Variants in PCDHGA4 observed in about 807,000 individuals in gnomAD.
PCDHGA4 encodes the protein protocadherin gamma subfamily A, 4.
In PCDHGA4, 38 loss-of-function variants were observed where a neutral mutation model predicts 54.6. That is an observed-to-expected ratio of 0.70 (90% CI 0.54 to 0.91). The LOEUF is 0.91. Ranked by LOEUF, PCDHGA4 falls within the 40% of genes least tolerant of loss-of-function variation. The pLI, the probability that PCDHGA4 is intolerant of heterozygous loss-of-function variation, is 0.00. For synonymous variants in PCDHGA4, 511 were observed against 512.9 expected (o/e 1.00, Z 0.05); for missense variants, 1,298 against 1,220.9 (o/e 1.06, Z -0.94).
chr5:141,469,419 A>G (rs1047562022), intron 1 of PCDHGA4, among the ~76,000 whole-genome samples: 2 of 152,066 alleles, frequency 1.3e-5, no homozygotes, highest in South Asian at 2.1e-4. Flanking sequence ...TACTAAAAAT[A>G]TAAAACTTAG....
Position 141,491,636 on chromosome 5 carries a change from C to T in PCDHGA4, c.2515-3171C>T. ...AGACCCCTCAGCGTTCAGCAGCCCA[C>T]AGCTCTGGCGCTGGAGCCTGACGCC... On this transcript the variant is annotated intron_variant, in intron 1 of 3. Coordinates refer to ENST00000571252, the MANE Select transcript of PCDHGA4 (RefSeq NM_018917.4). This position sits in a 1 kb window ranked among gnomAD's most constrained non-coding sequence, Gnocchi z 6.9. 6.2e-7 allele frequency: 1 copy of T among 1,613,922 alleles called. No homozygotes were observed. Among genetic ancestry groups the T allele is most frequent in the Non-Finnish European group, 8.5e-7 (1 of 1,180,020 alleles).
chr5:141,355,244 A>G lies in PCDHGA4; in HGVS notation c.137A>G (p.Gln46Arg), dbSNP rs200737190. 1.0e-4 allele frequency: 169 copies of G among 1,613,114 alleles called. No homozygotes were observed. The African/African-American group carries it at 2.1e-3, about 20-fold the overall frequency. ...CGCCCAGACCACACCCGGCTGCTCC[A>G]GATCTGCCTTCTCCTGGGGGTTCTG... is the stretch of plus-strand genomic sequence containing the variant. ...PARPDHTRLL[Q>R]ICLLLGVLVE... The change falls in exon 1 of 4, where the codon CAG becomes CGG. Residue 46 changes from glutamine (Q) to arginine (R), a missense_variant. Coordinates refer to ENST00000571252, the MANE Select transcript of PCDHGA4 (RefSeq NM_018917.4).
In PCDHGA4 at chr5:141,356,890, TA is replaced by T; in HGVS notation, c.1784del (p.Tyr595SerfsTer25). 1 of 1,614,214 alleles carries T rather than the reference TA, an allele frequency of 6.2e-7. No homozygotes were observed. Among genetic ancestry groups the T allele is most frequent in the Non-Finnish European group, 8.5e-7 (1 of 1,180,028 alleles). ...GAACGACAATGTCCCTGAGATCCTG[TA>T]CCCCACCTTCCCTACTGATGGCTCC... ...DQNDNVPEIL[Y>X]PTFPTDGSTG... On this transcript the variant is annotated frameshift_variant, in exon 1 of 4. Transcript: ENST00000571252. LOFTEE classifies it high-confidence loss of function.
intron 1 of PCDHGA4, among the ~76,000 whole-genome samples, chr5:141,387,440 A>G (rs2090946110): frequency 6.6e-6 from 1 of 152,240 alleles, no homozygotes; most frequent in African/African-American, 2.4e-5. Flanking sequence ...TATGTACTTA[A>G]TCTACATGAT....
At chr5:141,437,983 A>C (rs544812394) in intron 1 of PCDHGA4, among the ~76,000 whole-genome samples, 1 of 152,056 alleles carries the variant, frequency 6.6e-6, no homozygotes, top group Admixed American at 6.5e-5. Context: ...GGATGCACCC[A>C]CCCCACCTCA....
intron 1 of PCDHGA4, among the ~76,000 whole-genome samples, chr5:141,459,721 T>C (rs2098973915): frequency 6.6e-6 from 1 of 152,246 alleles, no homozygotes. Context: ...CAATGCTTCC[T>C]ATTGTCAATT....
intron 1 of PCDHGA4, chr5:141,399,529 G>C: frequency 6.2e-7 from 1 of 1,614,010 alleles, no homozygotes; most frequent in African/African-American, 1.3e-5. Context: ...GGCCTCCATC[G>C]CGCAAGTCTG....
chr5:141,355,623 A>G lies in PCDHGA4; in HGVS notation c.516A>G (p.Lys172=). 1.2e-6 allele frequency: 2 copies of G among 1,613,994 alleles called. No individual in the cohort carries two copies. Among genetic ancestry groups the G allele is most frequent in the Non-Finnish European group, 1.7e-6 (2 of 1,179,890 alleles). ...PSFGTEQREI[K]VAENENPGAR... ...TTGGGACAGAACAGAGGGAAATAAA[A>G]GTTGCTGAAAATGAAAATCCTGGGG... The change falls in exon 1 of 4, where the codon AAA becomes AAG. Residue 172 remains lysine, a synonymous_variant. Transcript: ENST00000571252.
chr5:141,455,580 T>G (rs572453788), intron 1 of PCDHGA4, among the ~76,000 whole-genome samples: 26 of 152,142 alleles, frequency 1.7e-4, no homozygotes, highest in Middle Eastern at 3.2e-3. Context: ...ACCCCAGCCT[T>G]TTAATATGCA....
Position 141,487,631 on chromosome 5 carries a change from G to T in PCDHGA4, c.2515-7176G>T. Reference sequence around the variant, plus strand: ...TGGGCTAGAGGTGAGACCTTTGCAGGCTCAACAAATGCTTGAGGGTTATTC... The same window carrying T: ...TGGGCTAGAGGTGAGACCTTTGCAGTCTCAACAAATGCTTGAGGGTTATTC... On this transcript the variant is annotated intron_variant, in intron 1 of 3. Transcript: ENST00000571252. The surrounding 1 kb of genome is among the most constrained non-coding windows in gnomAD (Gnocchi z 5.0). The T allele has an allele frequency of 6.2e-7, 1 of 1,614,176 alleles. No individual in the cohort carries two copies. Among genetic ancestry groups the T allele is most frequent in the Non-Finnish European group, 8.5e-7 (1 of 1,180,032 alleles).
At chr5:141,402,807 T>TA in intron 1 of PCDHGA4, 1 of 1,165,464 alleles carries the variant, frequency 8.6e-7, no homozygotes, top group Non-Finnish European at 1.2e-6. Flanking sequence ...ACCCGGCAGA[T>TA]ACCACAAACC....
rs1193417991 is a variant in PCDHGA4 at position 141,491,413 on chromosome 5, G to C, written c.2515-3394G>C. 5.0e-6 allele frequency: 8 copies of C among 1,613,946 alleles called. No individual in the cohort carries two copies. Among genetic ancestry groups the C allele is most frequent in the African/African-American group, 1.3e-5 (1 of 74,906 alleles). ...CCTTCAGGGAAACGCAGACGGGGAC[G>C]GGGGTGGAGGGCAGTGCTGCAGGCG... On this transcript the variant is annotated intron_variant, in intron 1 of 3. Transcript: ENST00000571252. The surrounding 1 kb of genome is among the most constrained non-coding windows in gnomAD (Gnocchi z 6.9).
In PCDHGA4 at chr5:141,412,148, C is replaced by T. The variant is rs183538712; in HGVS notation, c.2514+54527C>T. ...GGACTTTGGCCTCTGATACAAACTG[C>T]CTAAGAGAAGAGATTATTTATACTG... On this transcript the variant is annotated intron_variant, in intron 1 of 3. Coordinates refer to ENST00000571252, the MANE Select transcript of PCDHGA4 (RefSeq NM_018917.4). The T allele has an allele frequency of 3.1e-4, 47 of 152,220 alleles. 2 individuals carry two copies. The highest frequency in any genetic ancestry group is 1.1e-3 in the African/African-American group (45 of 41,552). The allele number at this position is 152,220 out of a possible 1,614,324, so 9.4% of individuals were successfully genotyped here.
At chr5:141,362,890 A>T (rs933124427) in intron 1 of PCDHGA4, among the ~76,000 whole-genome samples, 2 of 152,196 alleles carry the variant, frequency 1.3e-5, no homozygotes, top group African/African-American at 4.8e-5. Context: ...TTTTAGTTTT[A>T]CTTCCTCTTA....
At chr5:141,440,443 T>A (rs979101512) in intron 1 of PCDHGA4, 2 of 152,152 alleles carry the variant, frequency 1.3e-5, no homozygotes, top group Admixed American at 1.3e-4. Flanking sequence ...CAAGGCGCCA[T>A]CTCAAAAAAA....
intron 1 of PCDHGA4, among the ~76,000 whole-genome samples, chr5:141,483,021 G>A (rs543104114): frequency 6.6e-6 from 1 of 152,126 alleles, no homozygotes; most frequent in East Asian, 1.9e-4. Context: ...GGAGGCAGAG[G>A]TTGCAATGAG....
At chr5:141,421,718 G>C (rs778263773) in intron 1 of PCDHGA4, 1 of 1,613,966 alleles carries the variant, frequency 6.2e-7, no homozygotes, top group Middle Eastern at 1.7e-4. Context: ...CCAGATGTGG[G>C]CGTGAACTCC....
chr5:141,451,001 A>T (rs909477017), intron 1 of PCDHGA4, among the ~76,000 whole-genome samples: 2 of 148,266 alleles, frequency 1.3e-5, no homozygotes, highest in Middle Eastern at 3.4e-3. Context: ...ATTTTTTTGT[A>T]TTTTTTTTAG....
chr5:141,419,644 CG>C (rs1418985518), intron 1 of PCDHGA4: 2 of 1,612,396 alleles, frequency 1.2e-6, no homozygotes, highest in Non-Finnish European at 1.7e-6. Flanking sequence ...TGGCCGTGGA[CG>C]CGGACTCGGG....
Sources: allele counts gnomAD v4.1 joint callset (sites outside exome capture counted in the v4.1 genomes callset), GRCh38; gene constraint gnomAD v4.1.1; non-coding constraint Gnocchi (gnomAD v3.1); transcripts MANE v1.5; gene names NCBI Gene and HGNC (gene_info 2026-07-23, HGNC 2026-07-21).